Variants in PBX1 observed in about 807,000 individuals in gnomAD.
The protein encoded by PBX1 is pre-B-cell leukemia transcription factor 1.
A neutral mutation model predicts 53.4 loss-of-function variants in PBX1; 6 were observed. The observed-to-expected ratio is 0.11, with a 90% CI of 0.06 to 0.22. The LOEUF (loss-of-function observed/expected upper bound fraction) is 0.22. Ranked by LOEUF, PBX1 falls within the 10% of genes least tolerant of loss-of-function variation. The pLI is 1.00. For synonymous variants in PBX1, 204 were observed against 212.3 expected (o/e 0.96, Z 0.34); for missense variants, 251 against 551.4 (o/e 0.46, Z 5.46).
chr1:164,630,205 G>A, intron 2 of PBX1, among the ~76,000 whole-genome samples: 1 of 152,140 alleles, frequency 6.6e-6, no homozygotes, highest in East Asian at 1.9e-4. Context: ...GAGTCTTTTG[G>A]CATGGGCATA....
At chr1:164,795,619 C>T (rs981636485) in intron 3 of PBX1, among the ~76,000 whole-genome samples, 3 of 152,262 alleles carry the variant, frequency 2.0e-5, no homozygotes, top group Admixed American at 2.0e-4. Flanking sequence ...CTGCTTAATA[C>T]ATTTTGGATG....
intron 2 of PBX1, among the ~76,000 whole-genome samples, chr1:164,667,560 G>T (rs1660877433): frequency 6.6e-6 from 1 of 152,062 alleles, no homozygotes. Flanking sequence ...CTGGGTAGCT[G>T]CTTCAGCTTC....
At chr1:164,776,188 G>A (rs1371746822) in intron 2 of PBX1, among the ~76,000 whole-genome samples, 4 of 152,096 alleles carry the variant, frequency 2.6e-5, no homozygotes, top group Admixed American at 1.3e-4. Context: ...GATTGAATGC[G>A]CGGTATAAAT....
chr1:164,870,266 C>CTTCCTTCCTTCCCTCTTTCT (rs71097553), intron 2 of PBX1, among the ~76,000 whole-genome samples: 2 of 45,214 alleles, frequency 4.4e-5, no homozygotes, highest in African/African-American at 7.0e-5. Context: ...TCCTTCCTTC[C>CTTCCTTCCTTCCCTCTTTCT]TTCTTTCTTT....
chr1:164,822,766 A>C (rs1388820800), intron 8 of PBX1, among the ~76,000 whole-genome samples: 1 of 152,224 alleles, frequency 6.6e-6, no homozygotes, highest in Non-Finnish European at 1.5e-5. Flanking sequence ...ATTCATCATG[A>C]ATGATCTAAA....
chr1:164,601,234 T>C (rs1571039821), intron 2 of PBX1, among the ~76,000 whole-genome samples: 1 of 53,126 alleles, frequency 1.9e-5, no homozygotes, highest in South Asian at 6.6e-4. Flanking sequence ...AGATTCTGTC[T>C]CAAAAAAAAA....
Position 164,674,224 on chromosome 1 carries a change from G to GT in PBX1, c.265+110915dup, listed in dbSNP as rs1661292037. On this transcript the variant is annotated intron_variant, in intron 2 of 8. Transcript: ENST00000420696. ...CCAAGTAGCTTATTTCTAGAAACAGGTTCCCGTTTGCAACATCAAGTCTGG... is the reference window on the plus strand; with the variant it reads ...CCAAGTAGCTTATTTCTAGAAACAGGTTTCCCGTTTGCAACATCAAGTCTGG... Among the ~76,000 whole-genome samples, 3 of 152,270 alleles carry GT rather than the reference G, an allele frequency of 2.0e-5. No individual in the cohort carries two copies. The South Asian group carries it at 6.2e-4, about 32-fold the overall frequency.
At chr1:164,875,996 A>ATATGTG (rs1227664735) in intron 2 of PBX1, among the ~76,000 whole-genome samples, 3 of 55,268 alleles carry the variant, frequency 5.4e-5, no homozygotes, top group Non-Finnish European at 1.3e-4. Flanking sequence ...GTGTATATAT[A>ATATGTG]TATATATATA....
At chr1:164,571,303 T>C (rs1012453267) in intron 2 of PBX1, among the ~76,000 whole-genome samples, 2 of 152,174 alleles carry the variant, frequency 1.3e-5, no homozygotes, top group Non-Finnish European at 2.9e-5. Context: ...TCAGCCTCCT[T>C]GCCCCCTAAA....
At chr1:164,745,906 T>C (rs1049750665) in intron 2 of PBX1, among the ~76,000 whole-genome samples, 2 of 152,200 alleles carry the variant, frequency 1.3e-5, no homozygotes, top group Admixed American at 6.5e-5. Flanking sequence ...AATTAAATCA[T>C]TGAGTCATGT....
chr1:164,639,838 A>G (rs1316411103), intron 2 of PBX1, among the ~76,000 whole-genome samples: 2 of 151,818 alleles, frequency 1.3e-5, no homozygotes, highest in Non-Finnish European at 1.5e-5. Context: ...AATTTTTTCT[A>G]TTTTTTGTAG....
intron 2 of PBX1, among the ~76,000 whole-genome samples, chr1:164,768,506 T>C (rs186670510): frequency 3.7e-4 from 57 of 152,314 alleles, no homozygotes; most frequent in African/African-American, 1.4e-3. Context: ...ATAACTTTGC[T>C]TTTGCTCCCT....
At chr1:164,876,624 C>A (rs945007171) in intron 2 of PBX1, among the ~76,000 whole-genome samples, 7 of 152,002 alleles carry the variant, frequency 4.6e-5, no homozygotes, top group African/African-American at 1.5e-4. Context: ...TTTATTATCT[C>A]ATTTATCCTC....
chr1:164,870,340 T>G (rs989267948), intron 2 of PBX1, among the ~76,000 whole-genome samples: 5 of 119,186 alleles, frequency 4.2e-5, no homozygotes, highest in African/African-American at 1.8e-4. Context: ...TTTCTTTCTT[T>G]CTTTCTTTCT....
intron 2 of PBX1, among the ~76,000 whole-genome samples, chr1:164,622,575 C>T (rs1657754165): frequency 6.6e-6 from 1 of 152,138 alleles, no homozygotes; most frequent in Non-Finnish European, 1.5e-5. Flanking sequence ...GCTGTTAACT[C>T]ATCTCCCCCA....
At chr1:164,786,720 T>TGTGCGCGCGC (rs1357886882) in intron 2 of PBX1, among the ~76,000 whole-genome samples, 1 of 116,256 alleles carries the variant, frequency 8.6e-6, no homozygotes, top group African/African-American at 3.5e-5. Context: ...TGTGTGTGTG[T>TGTGCGCGCGC]GCGCGCGCAC....
chr1:164,782,182 G>A (rs909750839), intron 2 of PBX1, among the ~76,000 whole-genome samples: 9 of 152,288 alleles, frequency 5.9e-5, no homozygotes, highest in African/African-American at 1.9e-4. Flanking sequence ...CCAGTGCCCA[G>A]CCCAGCTCAT....
chr1:164,771,861 G>A (rs1023716768), intron 2 of PBX1, among the ~76,000 whole-genome samples: 4 of 152,106 alleles, frequency 2.6e-5, no homozygotes, highest in Non-Finnish European at 2.9e-5. Context: ...ATCTGCCCCC[G>A]CCAGACCTGT....
chr1:164,756,460 A>G (rs527570701), intron 2 of PBX1, among the ~76,000 whole-genome samples: 117 of 152,342 alleles, frequency 7.7e-4, no homozygotes, highest in African/African-American at 2.7e-3. Context: ...TGCTGCACAC[A>G]TATGCTTATA....
Sources: gnomAD v4.1 joint callset for allele counts (sites outside exome capture counted in the v4.1 genomes callset) on GRCh38, gnomAD v4.1.1 for gene constraint, MANE v1.5 for transcripts, NCBI Gene and HGNC (gene_info 2026-07-23, HGNC 2026-07-21) for gene names.